Variants in SUPT3H observed in about 807,000 individuals in gnomAD.
SUPT3H encodes the protein SPT3 homolog, SAGA and STAGA complex component.
A neutral mutation model predicts 44.3 loss-of-function variants in SUPT3H; 44 were observed. That is an observed-to-expected ratio of 0.99 (90% CI 0.78 to 1.28). SUPT3H has a LOEUF of 1.28. Ranked by LOEUF, SUPT3H falls within the 50% of genes most tolerant of loss-of-function variation. SUPT3H has a pLI of 0.00. For missense variants in SUPT3H, 380 were observed against 387.1 expected (o/e 0.98, Z 0.15); for synonymous variants, 124 against 125.6 (o/e 0.99, Z 0.09).
At chr6:45,243,699 T>A (rs189004751) in intron 2 of SUPT3H, among the ~76,000 whole-genome samples, 182 of 152,290 alleles carry the variant, frequency 1.2e-3, no homozygotes, top group African/African-American at 4.1e-3. Flanking sequence ...TATAAAACTT[T>A]GAAAATCTGA....
intron 2 of SUPT3H, chr6:45,328,813 A>G (rs1786880590): frequency 1.2e-6 from 2 of 1,605,294 alleles, no homozygotes; most frequent in African/African-American, 2.7e-5. Context: ...AAAATCCTGT[A>G]AGATATGAAC....
At chr6:45,362,106 G>A (rs1471499421) in intron 2 of SUPT3H, among the ~76,000 whole-genome samples, 1 of 152,114 alleles carries the variant, frequency 6.6e-6, no homozygotes, top group Non-Finnish European at 1.5e-5. Context: ...TGCCTCACTG[G>A]TGATATTCAC....
intron 10 of SUPT3H, among the ~76,000 whole-genome samples, chr6:44,878,363 C>T (rs962502161): frequency 2.0e-5 from 3 of 152,020 alleles, no homozygotes; most frequent in Admixed American, 6.6e-5. Flanking sequence ...TTAAAAACAA[C>T]GTGCCATTTG....
At chr6:45,245,169 A>T (rs1428545593) in intron 2 of SUPT3H, among the ~76,000 whole-genome samples, 2 of 152,114 alleles carry the variant, frequency 1.3e-5, no homozygotes, top group East Asian at 3.8e-4. Flanking sequence ...TTTTTTCAAG[A>T]ATATCTATTT....
intron 1 of SUPT3H, among the ~76,000 whole-genome samples, chr6:45,373,828 C>T (rs560181224): frequency 6.6e-6 from 1 of 152,316 alleles, no homozygotes; most frequent in Non-Finnish European, 1.5e-5. Context: ...GCTGGGATTA[C>T]AGGTGTGAGC....
At chr6:45,286,806 A>G (rs1779366289) in intron 2 of SUPT3H, among the ~76,000 whole-genome samples, 2 of 152,190 alleles carry the variant, frequency 1.3e-5, no homozygotes, top group Non-Finnish European at 1.5e-5. Context: ...TGTTTATTGC[A>G]GCACTATTCA....
At chr6:45,263,350 A>G (rs1774707968) in intron 2 of SUPT3H, among the ~76,000 whole-genome samples, 1 of 152,194 alleles carries the variant, frequency 6.6e-6, no homozygotes, top group African/African-American at 2.4e-5. Flanking sequence ...ATGCAGCTGA[A>G]GGCCATTGTT....
chr6:44,888,583 T>A (rs148629943), intron 10 of SUPT3H, among the ~76,000 whole-genome samples: 18,280 of 152,168 alleles, frequency 0.12, 1,442 homozygotes, highest in East Asian at 0.27. Flanking sequence ...TGCTAAAAAC[T>A]CTCAATAAAT....
intron 2 of SUPT3H, among the ~76,000 whole-genome samples, chr6:45,173,459 T>A (rs1317453200): frequency 6.6e-6 from 1 of 152,240 alleles, no homozygotes; most frequent in Admixed American, 6.5e-5. Flanking sequence ...TCACAGAGAT[T>A]ACCTGCTTTA....
chr6:45,213,864 T>C (rs767064331), intron 2 of SUPT3H, among the ~76,000 whole-genome samples: 18 of 151,840 alleles, frequency 1.2e-4, no homozygotes, highest in Non-Finnish European at 1.9e-4. Context: ...AAAATTCTCG[T>C]CTGGGAATCA....
intron 10 of SUPT3H, among the ~76,000 whole-genome samples, chr6:44,903,220 C>CA (rs1765401913): frequency 6.6e-6 from 1 of 151,978 alleles, no homozygotes; most frequent in East Asian, 1.9e-4. Flanking sequence ...AAAAACCCTT[C>CA]AAAAAATCAA....
intron 3 of SUPT3H, among the ~76,000 whole-genome samples, chr6:45,053,850 G>C (rs1195877374): frequency 8.1e-5 from 12 of 149,064 alleles, no homozygotes; most frequent in Non-Finnish European, 1.3e-4. Flanking sequence ...AGGAGGCAGA[G>C]CTTGCAGTGA....
intron 2 of SUPT3H, among the ~76,000 whole-genome samples, chr6:45,244,768 A>G (rs146388225): frequency 1.4e-4 from 22 of 152,244 alleles, no homozygotes; most frequent in African/African-American, 2.4e-4. Flanking sequence ...CTACTTCCCT[A>G]TCTTCTAAAA....
chr6:45,331,008 C>T (rs1349613008), intron 2 of SUPT3H, among the ~76,000 whole-genome samples: 1 of 151,840 alleles, frequency 6.6e-6, no homozygotes, highest in African/African-American at 2.4e-5. Flanking sequence ...AGTATGTGCC[C>T]CAATTTTGTA....
intron 9 of SUPT3H, among the ~76,000 whole-genome samples, chr6:44,944,085 G>T (rs1008496806): frequency 4.6e-5 from 7 of 151,702 alleles, no homozygotes; most frequent in Admixed American, 3.3e-4. Context: ...AAAAATTATG[G>T]TATTATGGCT....
chr6:45,089,436 T>C (rs1796868788), intron 3 of SUPT3H, among the ~76,000 whole-genome samples: 1 of 152,060 alleles, frequency 6.6e-6, no homozygotes, highest in Non-Finnish European at 1.5e-5. Flanking sequence ...AAACAGTATC[T>C]TCCTGAAATG....
intron 3 of SUPT3H, among the ~76,000 whole-genome samples, chr6:45,046,257 G>T (rs1395595084): frequency 6.6e-6 from 1 of 151,944 alleles, no homozygotes. Flanking sequence ...CTTTATATCT[G>T]CATTTCTTAT....
intron 5 of SUPT3H, among the ~76,000 whole-genome samples, chr6:45,007,538 ATCAT>A (rs995989984): frequency 1.3e-5 from 2 of 152,076 alleles, no homozygotes; most frequent in African/African-American, 4.8e-5. Flanking sequence ...TTGACAAAAA[ATCAT>A]TTAGTTGTGA....
intron 11 of SUPT3H, among the ~76,000 whole-genome samples, chr6:44,813,585 A>G (rs1387842533): frequency 2.6e-5 from 4 of 151,744 alleles, no homozygotes; most frequent in African/African-American, 9.7e-5. Context: ...GGAAAAAAAA[A>G]AAAACAGACA....
Sources: gnomAD v4.1 joint callset for allele counts (sites outside exome capture counted in the v4.1 genomes callset) on GRCh38, gnomAD v4.1.1 for gene constraint, MANE v1.5 for transcripts, NCBI Gene and HGNC (gene_info 2026-07-23, HGNC 2026-07-21) for gene names.